Variants in LUZP2 observed in about 807,000 individuals in gnomAD.
The protein encoded by LUZP2 is leucine zipper protein 2.
Under a neutral mutation model 51.6 loss-of-function variants are expected in LUZP2, and 52 were observed. The ratio of observed to expected loss-of-function variants is 1.01; its 90% CI spans 0.81 to 1.27. The LOEUF (loss-of-function observed/expected upper bound fraction) is 1.27, where lower values mean the gene tolerates loss of function less well. Among genes scored for constraint, LUZP2 ranks in the 50% most tolerant of loss-of-function variants. The pLI, the probability that LUZP2 is intolerant of heterozygous loss-of-function variation, is 0.00. For synonymous variants in LUZP2, 154 were observed against 137.3 expected (o/e 1.12, Z -0.85); for missense variants, 436 against 395.4 (o/e 1.10, Z -0.87).
chr11:24,719,027 A>G (rs1858162691), intron 1 of LUZP2, among the ~76,000 whole-genome samples: 3 of 152,238 alleles, frequency 2.0e-5, no homozygotes. Context: ...AATAGAGGAA[A>G]GCTGAACAAA....
At chr11:24,991,394 G>GTATATATATATA (rs1327713711) in intron 9 of LUZP2, among the ~76,000 whole-genome samples, 90 of 109,370 alleles carry the variant, frequency 8.2e-4, no homozygotes, top group East Asian at 2.0e-3. Context: ...GTGTGTGTGT[G>GTATATATATATA]TGTATATATA....
chr11:24,629,415 T>A (rs1854796880), intron 1 of LUZP2, among the ~76,000 whole-genome samples: 1 of 150,784 alleles, frequency 6.6e-6, no homozygotes, highest in Non-Finnish European at 1.5e-5. Flanking sequence ...CATTTATTCT[T>A]TTTTATGGCT....
chr11:24,889,938 T>C (rs1169788089), intron 5 of LUZP2, among the ~76,000 whole-genome samples: 1 of 152,190 alleles, frequency 6.6e-6, no homozygotes, highest in African/African-American at 2.4e-5. Flanking sequence ...AAGTATATCA[T>C]AAATGCTTTA....
At position 24,973,038 on chromosome 11, in the gene LUZP2, G is replaced by A. The variant is rs901514750; in HGVS notation, c.523-3553G>A. Among the ~76,000 whole-genome samples the A allele has an allele frequency of 2.1e-5, 3 of 141,184 alleles. No homozygotes were observed. In the Admixed American group the frequency reaches 2.2e-4, roughly 10 times the overall value. The allele number at this position is 141,184 out of a possible 152,430, so 92.6% of individuals were successfully genotyped here. A position where few individuals can be genotyped will look rare whatever the true frequency, so the allele number is the denominator to read the frequency against. Reference sequence around the variant, plus strand: ...TTTGTACCTCTGGTAGAATTCACCTGTAAATCCGTCTGGTCCTGGGTTTTT... The same window carrying A: ...TTTGTACCTCTGGTAGAATTCACCTATAAATCCGTCTGGTCCTGGGTTTTT... On this transcript the variant is annotated intron_variant, in intron 7 of 11. Coordinates refer to ENST00000336930, the MANE Select transcript of LUZP2 (RefSeq NM_001009909.4).
chr11:24,927,431 T>A (rs1286094962), intron 7 of LUZP2, among the ~76,000 whole-genome samples: 1 of 152,108 alleles, frequency 6.6e-6, no homozygotes, highest in Non-Finnish European at 1.5e-5. Context: ...GAGTTGATTT[T>A]TGTATACGGT....
At chr11:24,968,167 G>A (rs1415668741) in intron 7 of LUZP2, among the ~76,000 whole-genome samples, 3 of 151,954 alleles carry the variant, frequency 2.0e-5, no homozygotes, top group African/African-American at 4.8e-5. Context: ...TTCTGTCTAG[G>A]TTTGATTTAG....
intron 1 of LUZP2, among the ~76,000 whole-genome samples, chr11:24,679,899 C>T (rs2133866619): frequency 6.6e-6 from 1 of 152,290 alleles, no homozygotes; most frequent in East Asian, 1.9e-4. Flanking sequence ...TATACACTCA[C>T]TGGATAACTA....
At chr11:24,827,625 G>A (rs1336147866) in intron 5 of LUZP2, among the ~76,000 whole-genome samples, 3 of 152,128 alleles carry the variant, frequency 2.0e-5, no homozygotes, top group African/African-American at 4.8e-5. Flanking sequence ...TAGAAGGGGC[G>A]TAGGGGCATG....
chr11:25,054,710 G>T (rs530104691), intron 10 of LUZP2, among the ~76,000 whole-genome samples: 77 of 151,280 alleles, frequency 5.1e-4, no homozygotes, highest in African/African-American at 1.7e-3. Flanking sequence ...TTCTTGTTTT[G>T]ATTTTTATTT....
chr11:24,926,239 G>A (rs947398312), intron 7 of LUZP2, among the ~76,000 whole-genome samples: 13 of 141,980 alleles, frequency 9.2e-5, no homozygotes, highest in East Asian at 6.1e-4. Flanking sequence ...ATATATATGT[G>A]TGTGTATATA....
chr11:24,795,549 A>G (rs1223077015), intron 5 of LUZP2, among the ~76,000 whole-genome samples: 1 of 152,148 alleles, frequency 6.6e-6, no homozygotes, highest in Non-Finnish European at 1.5e-5. Context: ...TCATTTCATG[A>G]TTAAGAAACA....
At chr11:25,016,524 A>G (rs185663253) in intron 9 of LUZP2, among the ~76,000 whole-genome samples, 5 of 152,148 alleles carry the variant, frequency 3.3e-5, no homozygotes, top group African/African-American at 1.2e-4. Flanking sequence ...TGGTATATAT[A>G]CATATATATG....
At chr11:25,057,534 T>C (rs1287223081) in intron 10 of LUZP2, among the ~76,000 whole-genome samples, 2 of 152,190 alleles carry the variant, frequency 1.3e-5, no homozygotes, top group African/African-American at 4.8e-5. Flanking sequence ...TCCATCCCAT[T>C]TTCCTGCAGC....
intron 9 of LUZP2, among the ~76,000 whole-genome samples, chr11:24,999,446 A>G (rs1249971890): frequency 6.6e-5 from 10 of 151,016 alleles, no homozygotes; most frequent in African/African-American, 2.2e-4. Context: ...GAAGGAGGAG[A>G]AGGAGAAAGA....
intron 4 of LUZP2, among the ~76,000 whole-genome samples, chr11:24,746,135 T>C (rs4601776): frequency 0.99 from 150,463 of 152,268 alleles, 74,368 homozygotes; most frequent in East Asian, 1. Context: ...AATTGTATTT[T>C]TGTTTTATAG....
At chr11:24,882,106 A>G (rs908445312) in intron 5 of LUZP2, among the ~76,000 whole-genome samples, 7 of 152,102 alleles carry the variant, frequency 4.6e-5, no homozygotes, top group Middle Eastern at 3.4e-3. Context: ...ATAATTTTGT[A>G]AAAATATTTT....
chr11:24,560,675 G>A (rs2133771004), intron 1 of LUZP2, among the ~76,000 whole-genome samples: 1 of 152,220 alleles, frequency 6.6e-6, no homozygotes, highest in South Asian at 2.1e-4. Context: ...ATTTGATGTA[G>A]GATTCTGGAA....
At chr11:24,827,068 C>T (rs1850565388) in intron 5 of LUZP2, among the ~76,000 whole-genome samples, 1 of 134,654 alleles carries the variant, frequency 7.4e-6, no homozygotes, top group East Asian at 2.2e-4. Context: ...AATAAGGATA[C>T]AGCTATGCAA....
intron 1 of LUZP2, among the ~76,000 whole-genome samples, chr11:24,654,914 G>A (rs937877279): frequency 1.3e-5 from 2 of 151,822 alleles, no homozygotes; most frequent in Non-Finnish European, 2.9e-5. Flanking sequence ...ATGTTCCTTG[G>A]CATTTACCCT....
Sources: gnomAD v4.1 joint callset for allele counts (sites outside exome capture counted in the v4.1 genomes callset) on GRCh38, gnomAD v4.1.1 for gene constraint, MANE v1.5 for transcripts, NCBI Gene and HGNC (gene_info 2026-07-23, HGNC 2026-07-21) for gene names.